Variants in ELFN2 observed in about 807,000 individuals in gnomAD.
The protein encoded by ELFN2 is extracellular leucine rich repeat and fibronectin type III domain containing 2.
A neutral mutation model predicts 45.5 loss-of-function variants in ELFN2; 17 were observed. That is an observed-to-expected ratio of 0.37 (90% CI 0.26 to 0.56). ELFN2 has a LOEUF of 0.56. Among genes scored for constraint, ELFN2 ranks in the 20% least tolerant of loss-of-function variants. The probability of loss-of-function intolerance (pLI) is 0.77; values close to 1 mark genes in which losing one functional copy is unlikely to be tolerated. For missense variants in ELFN2, 922 were observed against 1,183.2 expected (o/e 0.78, Z 3.24); for synonymous variants, 550 against 551.5 (o/e 1.00, Z 0.04).
At position 37,368,583 on chromosome 22, in the gene ELFN2, G is replaced by A. The variant is rs1039444159; in HGVS notation, c.*4489C>T. The A allele has an allele frequency of 6.6e-6, 1 of 152,300 alleles. No homozygotes were observed. Among genetic ancestry groups the A allele is most frequent in the African/African-American group, 2.4e-5 (1 of 41,442 alleles). The allele number at this position is 152,300 out of a possible 1,614,324, so 9.4% of individuals were successfully genotyped here. A position where few individuals can be genotyped will look rare whatever the true frequency, so the allele number is the denominator to read the frequency against. On this transcript the variant is annotated 3_prime_UTR_variant, in exon 3 of 3. Transcript: ENST00000402918. Reference sequence around the variant, plus strand: ...TGGAATCTGAGCATGAGAGTTAGAGGAGGTCCCCTCTCCTGGGGCTCAGCC... The same window carrying A: ...TGGAATCTGAGCATGAGAGTTAGAGAAGGTCCCCTCTCCTGGGGCTCAGCC...
At chr22:37,399,378 G>A (rs1008589799) in intron 2 of ELFN2, among the ~76,000 whole-genome samples, 1 of 152,130 alleles carries the variant, frequency 6.6e-6, no homozygotes, top group Non-Finnish European at 1.5e-5. Context: ...GGCCCATACT[G>A]GCTCCTTGAG....
At chr22:37,388,361 T>C (rs1932007385) in intron 2 of ELFN2, among the ~76,000 whole-genome samples, 1 of 152,172 alleles carries the variant, frequency 6.6e-6, no homozygotes, top group Non-Finnish European at 1.5e-5. Flanking sequence ...GAATCATAAC[T>C]GCTGCTGCTA....
At chr22:37,415,534 C>T (rs573023503) in intron 2 of ELFN2, among the ~76,000 whole-genome samples, 10 of 152,356 alleles carry the variant, frequency 6.6e-5, no homozygotes, top group South Asian at 2.1e-4. Flanking sequence ...TCTCCGGCCC[C>T]GTTCCTGTTA....
chr22:37,405,090 ATTTT>A (rs745621772), intron 2 of ELFN2, among the ~76,000 whole-genome samples: 6 of 124,044 alleles, frequency 4.8e-5, no homozygotes, highest in African/African-American at 2.0e-4. Flanking sequence ...GAACCTCAGC[ATTTT>A]TTTTTTTTTT....
At chr22:37,423,587 G>A (rs1932826468) in intron 1 of ELFN2, among the ~76,000 whole-genome samples, 1 of 152,184 alleles carries the variant, frequency 6.6e-6, no homozygotes, top group East Asian at 1.9e-4. Flanking sequence ...GCTGCAGCTG[G>A]CTTTTGTGGG....
chr22:37,353,584 T>A (rs936730769), intron 1 of ELFN2: 1 of 150,816 alleles, frequency 6.6e-6, no homozygotes, highest in African/African-American at 2.4e-5. Flanking sequence ...GGAGATAACC[T>A]CATGGAAAAA....
intron 2 of ELFN2, among the ~76,000 whole-genome samples, chr22:37,385,827 A>G (rs1931932869): frequency 6.6e-6 from 1 of 152,170 alleles, no homozygotes; most frequent in Non-Finnish European, 1.5e-5. Context: ...TACTAACAGC[A>G]TGGATCGGTC....
At chr22:37,384,056 C>T (rs2145649139) in intron 2 of ELFN2, among the ~76,000 whole-genome samples, 1 of 152,278 alleles carries the variant, frequency 6.6e-6, no homozygotes, top group Non-Finnish European at 1.5e-5. Context: ...GTCACCCCCC[C>T]ATGGCTCACC....
At chr22:37,394,117 G>A (rs1188304102) in intron 2 of ELFN2, among the ~76,000 whole-genome samples, 1 of 152,144 alleles carries the variant, frequency 6.6e-6, no homozygotes, top group Non-Finnish European at 1.5e-5. Context: ...GTGACTGTGG[G>A]CCCCTTACTG....
rs770194582 is a variant in ELFN2 at position 37,403,432 on chromosome 22, GGGCCGAGAGAAGACT to G, written c.-463+14322_-463+14336del. Among the ~76,000 whole-genome samples the G allele has an allele frequency of 1.4e-3, 209 of 152,338 alleles. 4 individuals carry two copies. Among genetic ancestry groups the G allele is most frequent in the Non-Finnish European group, 1.1e-3 (75 of 68,032 alleles). ...GAGCGAGGGGCCGGAGGGTGGGGAT[GGGCCGAGAGAAGACT>G]GGATCCTGGTCTGGGTCCCGGTTGC... On this transcript the variant is annotated intron_variant, in intron 2 of 2. Coordinates refer to ENST00000402918, the MANE Select transcript of ELFN2 (RefSeq NM_052906.5).
chr22:37,391,947 C>A (rs1932096488), intron 2 of ELFN2, among the ~76,000 whole-genome samples: 1 of 152,212 alleles, frequency 6.6e-6, no homozygotes, highest in African/African-American at 2.4e-5. Flanking sequence ...AGTGACCGGC[C>A]CCCTCAGAGC....
chr22:37,370,156 T>C lies in ELFN2; in HGVS notation c.*2916A>G, dbSNP rs1076934. On this transcript the variant is annotated 3_prime_UTR_variant, in exon 3 of 3. Transcript: ENST00000402918. ...GGGTCTTCAAGGCCAGTTCCCCTCC[T>C]GGATCATCAGAGTCCTGCTCTTTGG... The C allele has an allele frequency of 0.33, 49,652 of 152,068 alleles. 9,191 individuals are homozygous for C. Among genetic ancestry groups the C allele is most frequent in the Admixed American group, 0.53 (8,053 of 15,284 alleles). The allele number at this position is 152,068 out of a possible 1,614,324, so 9.4% of individuals were successfully genotyped here. A position where few individuals can be genotyped will look rare whatever the true frequency, so the allele number is the denominator to read the frequency against.
intron 2 of ELFN2, among the ~76,000 whole-genome samples, chr22:37,394,459 G>A (rs796374071): frequency 7.9e-5 from 12 of 152,122 alleles, no homozygotes; most frequent in Admixed American, 2.0e-4. Flanking sequence ...GGCCTGGCCC[G>A]GCCGCCTGTT....
At chr22:37,343,654 C>T (rs1442463718) in intron 1 of ELFN2, among the ~76,000 whole-genome samples, 1 of 152,046 alleles carries the variant, frequency 6.6e-6, no homozygotes, top group Non-Finnish European at 1.5e-5. Context: ...CAGCCACCAG[C>T]AGGAGGGAGT....
In ELFN2 at chr22:37,373,256, T is replaced by TCGGGGCTGGAGGAGTACC; in HGVS notation, c.2261_2278dup (p.Gly754_Pro759dup). Reference sequence around the variant, plus strand: ...CTTGTGCGTGCTCTCGGATGAGTACTCGGGGCTGGAGGAGTACCCTGAGTA... The same window carrying TCGGGGCTGGAGGAGTACC: ...CTTGTGCGTGCTCTCGGATGAGTACTCGGGGCTGGAGGAGTACCCGGGGCTGGAGGAGTACCCTGAGTA... On this transcript the variant is annotated inframe_insertion, in exon 3 of 3. Coordinates refer to ENST00000402918, the MANE Select transcript of ELFN2 (RefSeq NM_052906.5). 6.2e-7 allele frequency: 1 copy of TCGGGGCTGGAGGAGTACC among 1,613,876 alleles called. No homozygotes were observed. The highest frequency in any genetic ancestry group is 1.1e-5 in the South Asian group (1 of 91,084).
chr22:37,384,507 T>G, intron 2 of ELFN2, among the ~76,000 whole-genome samples: 1 of 141,980 alleles, frequency 7.0e-6, no homozygotes, highest in Admixed American at 6.9e-5. Flanking sequence ...GATCCCACCT[T>G]CCCAACCTGA....
rs1930745406 is a variant in ELFN2, at chr22:37,348,395, C to A, written n.149-5692G>T. Among the ~76,000 whole-genome samples, 2 of 137,502 alleles carry A rather than the reference C, an allele frequency of 1.5e-5. 1 individual carries two copies. Among genetic ancestry groups the A allele is most frequent in the Non-Finnish European group, 3.4e-5 (2 of 58,138 alleles). 90.2% of individuals were successfully genotyped at this position (137,502 alleles called of 152,430 possible). On this transcript the variant is annotated intron_variant and non_coding_transcript_variant, in intron 1 of 2. Coordinates refer to ENST00000452946, the Ensembl canonical transcript of ELFN2. ...GCGTGGCTGTGGGGTTGAGAAACAACCCTGTGTTAGGGGGCAGGGAAGGGC... is the reference window on the plus strand; with the variant it reads ...GCGTGGCTGTGGGGTTGAGAAACAAACCTGTGTTAGGGGGCAGGGAAGGGC...
At chr22:37,423,474 T>G (rs978884102) in intron 1 of ELFN2, among the ~76,000 whole-genome samples, 2 of 152,172 alleles carry the variant, frequency 1.3e-5, no homozygotes, top group African/African-American at 4.8e-5. Context: ...TGTGAGAGTT[T>G]CCCTTCGAGG....
At chr22:37,345,475 T>C (rs1250888366) in intron 1 of ELFN2, among the ~76,000 whole-genome samples, 1 of 151,778 alleles carries the variant, frequency 6.6e-6, no homozygotes, top group African/African-American at 2.4e-5. Context: ...CAGTAGGTGC[T>C]CCACAGCCCT....
Sources: gnomAD v4.1 joint callset for allele counts (sites outside exome capture counted in the v4.1 genomes callset) on GRCh38, gnomAD v4.1.1 for gene constraint, MANE v1.5 for transcripts, NCBI Gene and HGNC (gene_info 2026-07-23, HGNC 2026-07-21) for gene names.